Variants in MPDZ observed in about 807,000 individuals in gnomAD.
The protein encoded by MPDZ is multiple PDZ domain crumbs cell polarity complex component, also known as multiple PDZ domain protein.
A neutral mutation model predicts 239.1 loss-of-function variants in MPDZ; 234 were observed. The observed-to-expected ratio is 0.98, with a 90% CI of 0.88 to 1.09. The LOEUF (loss-of-function observed/expected upper bound fraction) is 1.09, where lower values mean the gene tolerates loss of function less well. Ranked by LOEUF, MPDZ falls within the 50% of genes least tolerant of loss-of-function variation. MPDZ has a pLI of 0.00. For synonymous variants in MPDZ, 1,048 were observed against 881.3 expected (o/e 1.19, Z -3.35); for missense variants, 3,175 against 2,510.0 (o/e 1.26, Z -5.66).
intron 19 of MPDZ, among the ~76,000 whole-genome samples, chr9:13,179,072 A>T (rs186788250): frequency 3.9e-5 from 6 of 152,224 alleles, no homozygotes; most frequent in Admixed American, 3.3e-4. Flanking sequence ...CTTGAATGTG[A>T]CTTATTATCT....
intron 1 of MPDZ, among the ~76,000 whole-genome samples, chr9:13,256,001 G>A (rs1969339853): frequency 6.6e-6 from 1 of 152,134 alleles, no homozygotes; most frequent in Admixed American, 6.5e-5. Flanking sequence ...TTAAAAATCT[G>A]TTGTTTAGTG....
At chr9:13,267,557 T>C (rs1972054357) in intron 1 of MPDZ, among the ~76,000 whole-genome samples, 3 of 152,174 alleles carry the variant, frequency 2.0e-5, no homozygotes, top group South Asian at 2.1e-4. Context: ...ACACACCCCA[T>C]AGTACTTCCA....
chr9:13,258,281 A>T (rs563322707), intron 1 of MPDZ, among the ~76,000 whole-genome samples: 1 of 152,344 alleles, frequency 6.6e-6, no homozygotes, highest in South Asian at 2.1e-4. Flanking sequence ...TAACAAGTGA[A>T]AATATGTTTT....
intron 8 of MPDZ, among the ~76,000 whole-genome samples, chr9:13,218,197 T>C (rs1958616292): frequency 6.6e-6 from 1 of 151,902 alleles, no homozygotes; most frequent in African/African-American, 2.4e-5. Context: ...ATTTTTTTCA[T>C]TGCACATAAT....
chr9:13,160,895 C>T (rs1950406374), intron 23 of MPDZ, among the ~76,000 whole-genome samples: 1 of 101,262 alleles, frequency 9.9e-6, no homozygotes, highest in Non-Finnish European at 1.9e-5. Context: ...ATAGCTTTTA[C>T]ATTGTATTAG....
intron 18 of MPDZ, among the ~76,000 whole-genome samples, chr9:13,184,518 G>A (rs1036239237): frequency 2.0e-5 from 3 of 151,766 alleles, no homozygotes; most frequent in Admixed American, 1.3e-4. Context: ...AAAAATACCT[G>A]TGGGCCATTT....
intron 6 of MPDZ, 120 bp from the exon 7 acceptor site, chr9:13,221,620 A>C: frequency 1.9e-6 from 2 of 1,054,986 alleles, no homozygotes; most frequent in Non-Finnish European, 2.7e-6. Flanking sequence ...AGACATAATA[A>C]TGAGTCCTAA....
intron 1 of MPDZ, among the ~76,000 whole-genome samples, chr9:13,267,242 C>T (rs753083169): frequency 6.6e-6 from 1 of 152,138 alleles, no homozygotes; most frequent in Non-Finnish European, 1.5e-5. Flanking sequence ...ATGAAATTGG[C>T]GTCAGTTTTA....
intron 22 of MPDZ, among the ~76,000 whole-genome samples, chr9:13,164,579 T>A (rs562764632): frequency 9.9e-5 from 15 of 152,278 alleles, no homozygotes; most frequent in African/African-American, 3.6e-4. Flanking sequence ...AGTCTTTAAT[T>A]TTTTATTGGT....
intron 1 of MPDZ, among the ~76,000 whole-genome samples, chr9:13,252,227 T>G (rs1968228512): frequency 6.6e-6 from 1 of 152,080 alleles, no homozygotes; most frequent in South Asian, 2.1e-4. Context: ...CAAAACAGCC[T>G]ACTATTAGCC....
chr9:13,199,084 T>G (rs1274778463), intron 12 of MPDZ, among the ~76,000 whole-genome samples: 1 of 152,038 alleles, frequency 6.6e-6, no homozygotes, highest in Non-Finnish European at 1.5e-5. Context: ...GCAATGAATA[T>G]ATAGATATCT....
intron 10 of MPDZ, among the ~76,000 whole-genome samples, chr9:13,209,854 G>A (rs1957410610): frequency 6.6e-6 from 1 of 151,940 alleles, no homozygotes; most frequent in Admixed American, 6.6e-5. Context: ...TTTTCCCATA[G>A]CTCAGAGGAA....
chr9:13,227,253 G>T lies in MPDZ; in HGVS notation c.184-2670C>A, dbSNP rs145250957. ...ATATTAGCTTTCTACAATCACAGAT[G>T]AAAAAGAGATCAATGTGTTGAGAAG... On this transcript the variant is annotated intron_variant, in intron 3 of 46. Transcript: ENST00000319217. Among the ~76,000 whole-genome samples the T allele has an allele frequency of 4.8e-3, 732 of 152,206 alleles. 4 individuals carry two copies. The highest frequency in any genetic ancestry group is 0.016 in the African/African-American group (649 of 41,548).
At chr9:13,151,533 G>A (rs1211686893) in intron 24 of MPDZ, among the ~76,000 whole-genome samples, 1 of 152,080 alleles carries the variant, frequency 6.6e-6, no homozygotes, top group Admixed American at 6.6e-5. Flanking sequence ...AGTCATCTAA[G>A]TAAAATAAAG....
intron 21 of MPDZ, among the ~76,000 whole-genome samples, chr9:13,170,993 G>A (rs1951712204): frequency 6.6e-6 from 1 of 152,110 alleles, no homozygotes; most frequent in Non-Finnish European, 1.5e-5. Flanking sequence ...CCCAAATCAT[G>A]TGCTTTGTAA....
chr9:13,156,967 G>A (rs1949905954), intron 24 of MPDZ, among the ~76,000 whole-genome samples: 1 of 152,120 alleles, frequency 6.6e-6, no homozygotes, highest in Non-Finnish European at 1.5e-5. Flanking sequence ...GACTTTTGAT[G>A]AAATTCAAAT....
intron 1 of MPDZ, among the ~76,000 whole-genome samples, chr9:13,259,640 G>T (rs1423737466): frequency 1.3e-5 from 2 of 152,138 alleles, no homozygotes; most frequent in African/African-American, 4.8e-5. Context: ...ATAGGTGGGG[G>T]AGAAGGTCTG....
chr9:13,262,022 G>C (rs556000894), intron 1 of MPDZ, among the ~76,000 whole-genome samples: 3 of 151,480 alleles, frequency 2.0e-5, no homozygotes, highest in African/African-American at 7.3e-5. Context: ...TCCAGCCTGG[G>C]CAACAGAACA....
chr9:13,133,923 T>C lies in MPDZ; in HGVS notation c.4384-19A>G, dbSNP rs200061216. On this transcript the variant is annotated intron_variant, in intron 31 of 46. Transcript: ENST00000319217. ...GCTCTGTCTGACAGAGGGAAAGAAA[T>C]GACAAAAAGAGCAACTGAGTGTTAG... 33 of 1,437,448 alleles carry C rather than the reference T, an allele frequency of 2.3e-5. No homozygotes were observed. In the Admixed American group the frequency reaches 4.7e-4, roughly 20 times the overall value. The allele number at this position is 1,437,448 out of a possible 1,614,324, so 89.0% of individuals were successfully genotyped here. A position where few individuals can be genotyped will look rare whatever the true frequency, so the allele number is the denominator to read the frequency against.
Sources: gnomAD v4.1 joint callset for allele counts (sites outside exome capture counted in the v4.1 genomes callset) on GRCh38, gnomAD v4.1.1 for gene constraint, MANE v1.5 for transcripts, NCBI Gene and HGNC (gene_info 2026-07-23, HGNC 2026-07-21) for gene names.